The following SYNE1 variants were observed in gnomAD, a reference collection of about 807,000 sequenced individuals.
SYNE1 encodes spectrin repeat containing nuclear envelope protein 1.
Under a neutral mutation model 1,111.0 loss-of-function variants are expected in SYNE1, and 616 were observed. That is an observed-to-expected ratio of 0.55 (90% CI 0.52 to 0.59). SYNE1 has a LOEUF of 0.59. SYNE1 is among the 20% of genes least tolerant of loss of function. The probability of loss-of-function intolerance (pLI) is 0.00; values close to 1 mark genes in which losing one functional copy is unlikely to be tolerated. For synonymous variants in SYNE1, 3,855 were observed against 3,825.8 expected (o/e 1.01, Z -0.28); for missense variants, 10,006 against 10,417.0 (o/e 0.96, Z 1.72).
chr6:152,404,406 T>A, intron 45 of SYNE1, 92 bp from the exon 46 acceptor site: 2 of 960,172 alleles, frequency 2.1e-6, no homozygotes, highest in Non-Finnish European at 3.3e-6. Flanking sequence ...TTTGTCGAAA[T>A]ACCCCAACTT....
rs1392726878 is a variant in SYNE1 at position 152,471,743 on chromosome 6, A to T, written c.1486T>A (p.Ser496Thr). The change falls in exon 16 of 146, where the codon TCA (serine) becomes ACA (threonine). Residue 496 changes from serine (S) to threonine (T), a missense_variant. Physicochemically the swap from Ser to Thr is moderately conservative, Grantham distance 58. This residue lies in a region of SYNE1 where 1,971 missense variants were observed against 2,084.1 expected (regional missense o/e 0.95). Transcript: ENST00000367255. Reference protein sequence around the residue: ...AERFHFVSSTSELHLMKMEFL... With the variant: ...AERFHFVSSTTELHLMKMEFL... Reference sequence around the variant, plus strand: ...TCCATTTTCATTAGGTGTAGCTCTGATGTGGAGGAAACAAAATGAAACCTA... The same window carrying T: ...TCCATTTTCATTAGGTGTAGCTCTGTTGTGGAGGAAACAAAATGAAACCTA... 4 of 1,613,664 alleles carry T rather than the reference A, an allele frequency of 2.5e-6. No individual in the cohort carries two copies. The East Asian group carries it at 6.7e-5, about 27-fold the overall frequency.
chr6:152,471,485 C>A, intron 16 of SYNE1, 112 bp downstream of exon 16: 1 of 1,040,408 alleles, frequency 9.6e-7, no homozygotes, highest in Non-Finnish European at 1.5e-6. Context: ...ATTTAACACA[C>A]GCTATCTTTA....
intron 8 of SYNE1, among the ~76,000 whole-genome samples, chr6:152,509,324 T>G (rs891288455): frequency 1.4e-5 from 2 of 144,778 alleles, no homozygotes; most frequent in African/African-American, 5.1e-5. Context: ...AATCTTGATC[T>G]CAGCTCACTG....
At chr6:152,450,442 C>T (rs1053197210) in intron 27 of SYNE1, among the ~76,000 whole-genome samples, 183 bp downstream of exon 27, 2 of 152,188 alleles carry the variant, frequency 1.3e-5, no homozygotes, top group Admixed American at 6.5e-5. Flanking sequence ...ATCTGGGTCA[C>T]TTGGAAACAA....
chr6:152,295,330 C>T (rs1490700203), intron 93 of SYNE1, among the ~76,000 whole-genome samples: 2 of 152,120 alleles, frequency 1.3e-5, no homozygotes, highest in African/African-American at 2.4e-5. Context: ...ATGGAGACTG[C>T]TTCCTCTTTA....
intron 114 of SYNE1, 112 bp downstream of exon 114, chr6:152,231,279 G>A (rs1588316453): frequency 9.1e-7 from 1 of 1,099,346 alleles, no homozygotes; most frequent in South Asian, 1.3e-5. Context: ...ATTATTGGAA[G>A]CGTTCTTTGC....
chr6:152,557,285 G>T (rs2128192586), intron 3 of SYNE1, among the ~76,000 whole-genome samples: 1 of 152,126 alleles, frequency 6.6e-6, no homozygotes, highest in Admixed American at 6.5e-5. Flanking sequence ...AAAAAAGGAT[G>T]AAAAGGGGAG....
intron 49 of SYNE1, 60 bp downstream of exon 49, chr6:152,398,559 C>T (rs2097769487): frequency 7.3e-7 from 1 of 1,378,240 alleles, no homozygotes; most frequent in Non-Finnish European, 1.0e-6. Flanking sequence ...TAACTTAGGT[C>T]TGCCTGCAGG....
rs2097539102 is a variant in SYNE1 at position 152,387,311 on chromosome 6, C to T, written c.8248G>A (p.Glu2750Lys). ...ERKNQLEQWM[E>K]SVDQKIEHPL... ...TGTTCTATTTTTTGATCCACTGATTCCATCCACTGCTCCAACTGGTTTTTC... is the reference window on the plus strand; with the variant it reads ...TGTTCTATTTTTTGATCCACTGATTTCATCCACTGCTCCAACTGGTTTTTC... Residue 2750 changes from glutamate to lysine, a missense_variant, in exon 54 of 146, where the codon GAA becomes AAA. Coordinates refer to ENST00000367255, the MANE Select transcript of SYNE1 (RefSeq NM_182961.4). 2 of 1,614,190 alleles carry T rather than the reference C, an allele frequency of 1.2e-6. No individual in the cohort carries two copies. Among genetic ancestry groups the T allele is most frequent in the Non-Finnish European group, 8.5e-7 (1 of 1,180,020 alleles).
Position 152,186,580 on chromosome 6 carries a change from AAAAAAAAAAAAAAAAAG to A in SYNE1, c.23301+2655_23301+2671del, listed in dbSNP as rs1431744012. ...TCAAAAAAAAAAAAAAAAAAAAAAA[AAAAAAAAAAAAAAAAAG>A]AAGAAGAAGAAAATTAGAAGGGAAG... On this transcript the variant is annotated intron_variant, in intron 128 of 145. Coordinates refer to ENST00000367255, the MANE Select transcript of SYNE1 (RefSeq NM_182961.4). Among the ~76,000 whole-genome samples, 648 of 144,400 alleles carry A rather than the reference AAAAAAAAAAAAAAAAAG, an allele frequency of 4.5e-3. 12 individuals are homozygous for A. The highest frequency in any genetic ancestry group is 0.016 in the African/African-American group (604 of 38,566). 94.7% of individuals were successfully genotyped at this position (144,400 alleles called of 152,430 possible).
intron 136 of SYNE1, 39 bp downstream of exon 136, chr6:152,149,438 T>A: frequency 1.9e-6 from 3 of 1,612,928 alleles, no homozygotes; most frequent in African/African-American, 1.3e-5. Flanking sequence ...CTTATTCTCT[T>A]TAGATTTAAT....
Position 152,416,810 on chromosome 6 carries a change from C to G in SYNE1, c.5627G>C (p.Ser1876Thr), listed in dbSNP as rs772850812. Residue 1876 changes from serine (S) to threonine (T), a missense_variant, in exon 41 of 146, where the codon AGC (serine) becomes ACC (threonine). By Grantham distance (58) the Ser-to-Thr change is moderately conservative. Around this residue, in one of 7 missense-constraint regions of SYNE1, gnomAD observed 4,955 missense variants for 5,017.2 expected, o/e 0.99. Transcript: ENST00000367255. ...ALSHLAEFLQ[S>T]HASLSGILRQ... The stretch of plus-strand genomic sequence containing the variant: ...GAGAATGCCGGACAGAGAGGCATGG[C>G]TCTGGAGGAATTCTGCCAAATGGGA... The G allele has an allele frequency of 6.2e-7, 1 of 1,614,190 alleles. No homozygotes were observed. Among genetic ancestry groups the G allele is most frequent in the Non-Finnish European group, 8.5e-7 (1 of 1,180,048 alleles).
chr6:152,562,090 C>T (rs903843718), intron 3 of SYNE1, among the ~76,000 whole-genome samples: 4 of 152,064 alleles, frequency 2.6e-5, no homozygotes, highest in African/African-American at 9.7e-5. Flanking sequence ...AGCTTCTGCA[C>T]AGCAAAGGGA....
chr6:152,241,650 A>C (rs1588543927), intron 107 of SYNE1, among the ~76,000 whole-genome samples: 1 of 152,222 alleles, frequency 6.6e-6, no homozygotes, highest in East Asian at 1.9e-4. Flanking sequence ...TGCTGTTCCC[A>C]GGGAGAAAGT....
At chr6:152,383,584 T>C (rs144637864) in intron 55 of SYNE1, among the ~76,000 whole-genome samples, 22 of 152,298 alleles carry the variant, frequency 1.4e-4, no homozygotes, top group African/African-American at 5.3e-4. Context: ...TTCTTGTTTT[T>C]CCCCTCCTTT....
In SYNE1 at chr6:152,427,791, A is replaced by G; in HGVS notation, c.5002T>C (p.Leu1668=). ...GCTTCACCCCGCTCTAACCAGGTCA[A>G]AAAGGATGATAGTTCTTTCTCTAGC... The part of the protein sequence containing the change: ...QRLEKELSSF[L]TWLERGEAKA... The change falls in exon 38 of 146, where the codon TTG becomes CTG. Residue 1668 remains leucine (L), a synonymous_variant. Coordinates refer to ENST00000367255, the MANE Select transcript of SYNE1 (RefSeq NM_182961.4). 3.7e-6 allele frequency: 6 copies of G among 1,614,154 alleles called. No homozygotes were observed. The highest frequency in any genetic ancestry group is 5.1e-6 in the Non-Finnish European group (6 of 1,180,036).
At chr6:152,308,202 TGTATTAACTGTGAG>T in intron 91 of SYNE1, among the ~76,000 whole-genome samples, 1 of 152,134 alleles carries the variant, frequency 6.6e-6, no homozygotes, top group East Asian at 1.9e-4. Context: ...TGTGTTTTAG[TGTATTAACTGTGAG>T]AATTCTGGGT....
At chr6:152,357,745 G>A (rs1322776799) in intron 66 of SYNE1, among the ~76,000 whole-genome samples, 2 of 152,140 alleles carry the variant, frequency 1.3e-5, no homozygotes, top group South Asian at 2.1e-4. Flanking sequence ...TTTGCCTGAA[G>A]TAGCTAGCAA....
chr6:152,411,727 ACCCC>A (rs935214512), intron 42 of SYNE1, among the ~76,000 whole-genome samples: 52 of 149,434 alleles, frequency 3.5e-4, no homozygotes, highest in South Asian at 8.4e-4. Flanking sequence ...ACACACACAC[ACCCC>A]CACACACACA....
Sources: gnomAD v4.1 joint callset for allele counts (sites outside exome capture counted in the v4.1 genomes callset) on GRCh38, gnomAD v4.1.1 for gene constraint, gnomAD v4.1.1 regional missense constraint, MANE v1.5 for transcripts, NCBI Gene and HGNC (gene_info 2026-07-23, HGNC 2026-07-21) for gene names.